Variants in ANKRD12 observed in about 807,000 individuals in gnomAD.
ANKRD12 encodes the protein ankyrin repeat domain-containing protein 12.
ANKRD12 carries 85 observed loss-of-function variants against 183.4 expected under a neutral mutation model. The ratio of observed to expected loss-of-function variants is 0.46; its 90% CI spans 0.39 to 0.56. ANKRD12 has a LOEUF of 0.56. Ranked by LOEUF, ANKRD12 falls within the 20% of genes least tolerant of loss-of-function variation. The pLI, the probability that ANKRD12 is intolerant of heterozygous loss-of-function variation, is 0.00. For synonymous variants in ANKRD12, 914 were observed against 800.2 expected (o/e 1.14, Z -2.40); for missense variants, 2,405 against 2,357.1 (o/e 1.02, Z -0.42).
chr18:9,253,759 C>T (rs1453048556), intron 8 of ANKRD12, among the ~76,000 whole-genome samples: 2 of 152,174 alleles, frequency 1.3e-5, no homozygotes, highest in Non-Finnish European at 2.9e-5. Context: ...AAGGGGAACC[C>T]TTGTACACTG....
chr18:9,263,686 C>G, intron 9 of ANKRD12, 104 bp from the exon 10 acceptor site: 1 of 717,098 alleles, frequency 1.4e-6, no homozygotes, highest in Non-Finnish European at 2.1e-6. Context: ...CACAGGACAT[C>G]AGAATTTGTT....
chr18:9,239,523 C>G (rs937478764), intron 8 of ANKRD12: 7 of 1,287,192 alleles, frequency 5.4e-6, no homozygotes, highest in Non-Finnish European at 6.1e-6. Context: ...ATTGCTTGGT[C>G]AAAGTCCCTC....
At chr18:9,223,434 C>T (rs559259215) in intron 8 of ANKRD12, among the ~76,000 whole-genome samples, 4 of 151,500 alleles carry the variant, frequency 2.6e-5, no homozygotes, top group Admixed American at 6.6e-5. Flanking sequence ...TTGTTTTTTA[C>T]CCCGTCTCTA....
intron 9 of ANKRD12, 35 bp from the exon 10 acceptor site, chr18:9,263,755 C>G (rs1359401285): frequency 7.1e-7 from 1 of 1,409,106 alleles, no homozygotes; most frequent in African/African-American, 1.5e-5. Flanking sequence ...TAAATAAAAC[C>G]TAATATTTTA....
At chr18:9,259,357 A>G (rs1200196970) in intron 9 of ANKRD12, 1 of 155,286 alleles carries the variant, frequency 6.4e-6, no homozygotes, top group Non-Finnish European at 1.4e-5. Flanking sequence ...GTTTAATGTA[A>G]CAAACACATT....
chr18:9,274,044 T>A (rs2039722681), intron 10 of ANKRD12, among the ~76,000 whole-genome samples: 1 of 152,268 alleles, frequency 6.6e-6, no homozygotes, highest in Non-Finnish European at 1.5e-5. Flanking sequence ...AAAGTTATTT[T>A]AACAAGGTCT....
chr18:9,188,311 TAGA>T (rs2034237289), intron 2 of ANKRD12, among the ~76,000 whole-genome samples: 1 of 152,212 alleles, frequency 6.6e-6, no homozygotes, highest in Non-Finnish European at 1.5e-5. Flanking sequence ...AACTTTTCCC[TAGA>T]AGGAGACATT....
intron 10 of ANKRD12, among the ~76,000 whole-genome samples, chr18:9,272,119 A>G (rs1036914263): frequency 1.3e-5 from 2 of 152,216 alleles, no homozygotes; most frequent in Admixed American, 1.3e-4. Context: ...TCCTTAGAGG[A>G]CACTGTTTGA....
intron 3 of ANKRD12, among the ~76,000 whole-genome samples, chr18:9,202,872 A>G (rs1172994879): frequency 6.6e-6 from 1 of 152,244 alleles, no homozygotes; most frequent in Non-Finnish European, 1.5e-5. Context: ...TGTTTGAGTA[A>G]AAGCCAAAGA....
chr18:9,257,630 G>A lies in ANKRD12; in HGVS notation c.4363G>A (p.Glu1455Lys), dbSNP rs1352509075. 15 of 1,613,924 alleles carry A rather than the reference G, an allele frequency of 9.3e-6. No individual in the cohort carries two copies. The highest frequency in any genetic ancestry group is 1.3e-5 in the Non-Finnish European group (15 of 1,179,942). ...ESSLQSFCNS[E>K]NKVLKENADF... The stretch of plus-strand genomic sequence containing the variant: ...CTCTCTTCAGAGTTTTTGTAATTCT[G>A]AAAATAAGGTATTGAAAGAAAATGC... The change falls in exon 9 of 13, where the codon GAA becomes AAA. Residue 1455 changes from glutamate (E) to lysine (K), a missense_variant. Transcript: ENST00000262126.
Position 9,193,283 on chromosome 18 carries a change from C to T in ANKRD12, c.88-2268C>T, listed in dbSNP as rs962684052. 7.2e-5 allele frequency among the ~76,000 whole-genome samples: 11 copies of T among 152,016 alleles called. 1 individual carries two copies. Among genetic ancestry groups the T allele is most frequent in the African/African-American group, 2.2e-4 (9 of 41,464 alleles). On this transcript the variant is annotated intron_variant, in intron 2 of 12. Coordinates refer to ENST00000262126, the MANE Select transcript of ANKRD12 (RefSeq NM_015208.5). The stretch of plus-strand genomic sequence containing the variant: ...CCTCCCAAGTAGCTAGGAACACAGG[C>T]GCATGCCACCATGCCTGGCTAATTT...
chr18:9,268,289 A>G lies in ANKRD12; in HGVS notation c.5763+4401A>G, dbSNP rs567388079. On this transcript the variant is annotated intron_variant, in intron 10 of 12. Coordinates refer to ENST00000262126, the MANE Select transcript of ANKRD12 (RefSeq NM_015208.5). ...TTTATGAGGCCAGCATCATCCTGAT[A>G]CCAAAGCCTGGCAGAGACACAACAA... is the stretch of plus-strand genomic sequence containing the variant. Among the ~76,000 whole-genome samples, 10 of 152,300 alleles carry G rather than the reference A, an allele frequency of 6.6e-5. No individual in the cohort carries two copies. The East Asian group carries it at 1.5e-3, about 24-fold the overall frequency.
In ANKRD12 at chr18:9,282,673, G is replaced by A. The variant is rs772395282; in HGVS notation, c.*1547G>A. The A allele has an allele frequency of 3.9e-5, 6 of 152,448 alleles. No homozygotes were observed. Among genetic ancestry groups the A allele is most frequent in the Non-Finnish European group, 7.4e-5 (5 of 67,970 alleles). 9.4% of individuals were successfully genotyped at this position (152,448 alleles called of 1,614,324 possible). On this transcript the variant is annotated 3_prime_UTR_variant, in exon 13 of 13. Transcript: ENST00000262126. ...TATAATACTGAATGTTTTCTGTTCCGATAGAGAAAAGTGAAGCAAATATGT... is the reference window on the plus strand; with the variant it reads ...TATAATACTGAATGTTTTCTGTTCCAATAGAGAAAAGTGAAGCAAATATGT...
intron 8 of ANKRD12, among the ~76,000 whole-genome samples, chr18:9,232,900 G>C (rs1567945650): frequency 6.6e-6 from 1 of 151,496 alleles, no homozygotes; most frequent in South Asian, 2.1e-4. Context: ...CCCAGGTTGG[G>C]GTGCAGTGGT....
At chr18:9,227,235 C>T (rs564725995) in intron 8 of ANKRD12, among the ~76,000 whole-genome samples, 1 of 152,092 alleles carries the variant, frequency 6.6e-6, no homozygotes, top group African/African-American at 2.4e-5. Flanking sequence ...GGAGGTAAAA[C>T]ATTAACTGGA....
chr18:9,247,120 A>G (rs907953391), intron 8 of ANKRD12, among the ~76,000 whole-genome samples: 1 of 152,056 alleles, frequency 6.6e-6, no homozygotes. Context: ...TTGGGCAAAA[A>G]GGATGCTGAA....
chr18:9,139,210 C>CG lies in ANKRD12; in HGVS notation c.-52+2245_-52+2246insG, dbSNP rs199586332. 7.4e-3 allele frequency among the ~76,000 whole-genome samples: 1,130 copies of CG among 152,222 alleles called. 21 individuals are homozygous for CG. The highest frequency in any genetic ancestry group is 0.026 in the African/African-American group (1,067 of 41,526). On this transcript the variant is annotated intron_variant, in intron 1 of 12. Coordinates refer to ENST00000262126, the MANE Select transcript of ANKRD12 (RefSeq NM_015208.5). ...TTTAGCTGAAAATACATTGTGCAGA[C>CG]TTACACTGGTTTGTTAATACCCAAG...
At chr18:9,219,185 A>T (rs1262259594) in intron 7 of ANKRD12, among the ~76,000 whole-genome samples, 2 of 152,234 alleles carry the variant, frequency 1.3e-5, no homozygotes, top group Non-Finnish European at 2.9e-5. Flanking sequence ...CTGTATAGTC[A>T]TGTAATAAGT....
chr18:9,186,345 A>C (rs1022703234), intron 2 of ANKRD12, among the ~76,000 whole-genome samples: 1 of 152,218 alleles, frequency 6.6e-6, no homozygotes, highest in Non-Finnish European at 1.5e-5. Flanking sequence ...GCAAGAATGA[A>C]TACAAACTAT....
Sources: gnomAD v4.1 joint callset for allele counts (sites outside exome capture counted in the v4.1 genomes callset) on GRCh38, gnomAD v4.1.1 for gene constraint, MANE v1.5 for transcripts, NCBI Gene and HGNC (gene_info 2026-07-23, HGNC 2026-07-21) for gene names.